The following CCDC141 variants were observed in gnomAD, a reference collection of about 807,000 sequenced individuals.
The protein encoded by CCDC141 is coiled-coil domain containing 141.
A neutral mutation model predicts 181.0 loss-of-function variants in CCDC141; 168 were observed. The observed-to-expected ratio is 0.93, with a 90% CI of 0.82 to 1.05. CCDC141 has a LOEUF of 1.05. Among genes scored for constraint, CCDC141 ranks in the 50% least tolerant of loss-of-function variants. The pLI, the probability that CCDC141 is intolerant of heterozygous loss-of-function variation, is 0.00. For synonymous variants in CCDC141, 666 were observed against 642.3 expected (o/e 1.04, Z -0.56); for missense variants, 1,902 against 1,788.5 (o/e 1.06, Z -1.14).
At chr2:178,951,055 CAGT>C (rs1001605339) in intron 5 of CCDC141, among the ~76,000 whole-genome samples, 94 of 152,256 alleles carry the variant, frequency 6.2e-4, no homozygotes, top group African/African-American at 1.8e-3. Context: ...AAAATCAGTA[CAGT>C]AGATGTCTCT....
chr2:178,903,364 C>T (rs1404396486), intron 8 of CCDC141, among the ~76,000 whole-genome samples: 1 of 151,894 alleles, frequency 6.6e-6, no homozygotes, highest in African/African-American at 2.4e-5. Context: ...ACTGAAATGT[C>T]CAACAATGAT....
intron 6 of CCDC141, among the ~76,000 whole-genome samples, chr2:178,937,509 G>A (rs1689338570): frequency 6.6e-6 from 1 of 152,104 alleles, no homozygotes. Context: ...TTTTGTTGCG[G>A]ACTTCTGCAT....
intron 4 of CCDC141, among the ~76,000 whole-genome samples, chr2:178,972,575 C>T (rs981835593): frequency 4.6e-5 from 7 of 152,130 alleles, no homozygotes; most frequent in Admixed American, 1.3e-4. Flanking sequence ...TGACACATGG[C>T]CCTGGATTTC....
At position 178,905,624 on chromosome 2, in the gene CCDC141, C is replaced by G. The variant is rs372174555; in HGVS notation, c.1093-123G>C. 1.5e-4 allele frequency: 134 copies of G among 922,744 alleles called. No individual in the cohort carries two copies. The East Asian group carries it at 3.0e-3, about 21-fold the overall frequency. 57.2% of individuals were successfully genotyped at this position (922,744 alleles called of 1,614,324 possible). ...TTGTTAGTTTCATTATAACAAAAAA[C>G]AACCATCTTAATCTTGGAAGATTGT... is the stretch of plus-strand genomic sequence containing the variant. On this transcript the variant is annotated intron_variant, in intron 7 of 23. Transcript: ENST00000443758.
chr2:179,006,452 AG>A (rs1054269969), intron 2 of CCDC141, among the ~76,000 whole-genome samples: 8 of 152,174 alleles, frequency 5.3e-5, no homozygotes, highest in African/African-American at 4.8e-5. Flanking sequence ...AAGATATTGT[AG>A]GAAATATCTG....
intron 6 of CCDC141, among the ~76,000 whole-genome samples, chr2:178,925,535 G>C (rs1046999188): frequency 3.3e-5 from 5 of 152,232 alleles, no homozygotes; most frequent in African/African-American, 1.2e-4. Context: ...TTCTTCCTTG[G>C]TTCAACATAG....
chr2:178,930,446 G>C (rs1472818613), intron 6 of CCDC141, among the ~76,000 whole-genome samples: 1 of 152,048 alleles, frequency 6.6e-6, no homozygotes, highest in African/African-American at 2.4e-5. Flanking sequence ...TGAAGAAATG[G>C]AAATGCTGAT....
intron 4 of CCDC141, among the ~76,000 whole-genome samples, chr2:178,962,323 T>C (rs1002569017): frequency 1.3e-5 from 2 of 152,146 alleles, no homozygotes; most frequent in Non-Finnish European, 2.9e-5. Context: ...GAAGGAGCAG[T>C]TGGGGAACTG....
Position 179,030,586 on chromosome 2 carries a change from C to G in CCDC141, c.225+16698G>C, listed in dbSNP as rs535881247. Among the ~76,000 whole-genome samples the G allele has an allele frequency of 7.2e-5, 11 of 152,090 alleles. No homozygotes were observed. The South Asian group carries it at 2.1e-3, about 29-fold the overall frequency. On this transcript the variant is annotated intron_variant, in intron 2 of 23. Transcript: ENST00000443758. ...TTTAATTACTGTCTTTTACTGCTAG[C>G]CTTTCAAACTGGATTAGTATATTTT...
chr2:178,990,894 A>T (rs1692022564), intron 2 of CCDC141, among the ~76,000 whole-genome samples: 1 of 152,136 alleles, frequency 6.6e-6, no homozygotes, highest in African/African-American at 2.4e-5. Context: ...ATGGTTGCAC[A>T]TGTGAAAGGT....
intron 2 of CCDC141, among the ~76,000 whole-genome samples, chr2:179,027,470 C>T (rs180884510): frequency 1.3e-5 from 2 of 151,690 alleles, no homozygotes; most frequent in African/African-American, 4.8e-5. Context: ...CGGTGAAACC[C>T]TGTCTCTACT....
At chr2:179,014,678 A>G (rs113175610) in intron 2 of CCDC141, among the ~76,000 whole-genome samples, 1,683 of 152,302 alleles carry the variant, frequency 0.011, 24 homozygotes, top group African/African-American at 0.034. Flanking sequence ...AATGCTCAGC[A>G]TCACTAATGA....
At chr2:178,927,470 G>A (rs1443881231) in intron 6 of CCDC141, among the ~76,000 whole-genome samples, 1 of 152,050 alleles carries the variant, frequency 6.6e-6, no homozygotes, top group Non-Finnish European at 1.5e-5. Context: ...TGGGGAGAGA[G>A]CAAGGATGAC....
chr2:178,981,788 A>G lies in CCDC141; in HGVS notation c.226-3113T>C, dbSNP rs185048503. Among the ~76,000 whole-genome samples the G allele has an allele frequency of 4.6e-3, 694 of 149,830 alleles. 8 individuals carry two copies. Among genetic ancestry groups the G allele is most frequent in the African/African-American group, 0.016 (665 of 41,142 alleles). ...TTAAATCTTAAGTAAACAGAAGAAA[A>G]TAATAAAAATTAGAGGAGGAATCAA... On this transcript the variant is annotated intron_variant, in intron 2 of 23. Transcript: ENST00000443758.
Position 178,834,308 on chromosome 2 carries a change from A to G in CCDC141, c.4458T>C (p.Ser1486=), listed in dbSNP as rs1684383028. 6 of 1,535,966 alleles carry G rather than the reference A, an allele frequency of 3.9e-6. No homozygotes were observed. The East Asian group carries it at 1.5e-4, about 38-fold the overall frequency. Residue 1486 remains serine, a synonymous_variant, in exon 24 of 24, where the codon TCT becomes TCC. Coordinates refer to ENST00000443758, the MANE Select transcript of CCDC141 (RefSeq NM_173648.4). ...AGLYVARAQN[S]SGALSSNVIL... is the part of the protein sequence containing the mutation. ...TGACATTGGAAGAGAGAGCGCCGCT[A>G]GAGTTTTGGGCCCGAGCCACATAGA...
intron 8 of CCDC141, 104 bp from the exon 9 acceptor site, chr2:178,888,772 A>G: frequency 1.6e-6 from 2 of 1,273,000 alleles, no homozygotes; most frequent in Non-Finnish European, 1.1e-6. Context: ...GGTAAAAGGC[A>G]TCAGCTTTAG....
At chr2:178,893,592 T>C (rs1279008742) in intron 8 of CCDC141, among the ~76,000 whole-genome samples, 3 of 152,150 alleles carry the variant, frequency 2.0e-5, no homozygotes. Flanking sequence ...TGCTGCTTCT[T>C]TTAATGGGAA....
At chr2:178,908,206 T>C (rs865909903) in intron 7 of CCDC141, among the ~76,000 whole-genome samples, 21 of 152,292 alleles carry the variant, frequency 1.4e-4, no homozygotes, top group South Asian at 4.1e-4. Context: ...TGTTTTGTTT[T>C]GTTTTCTGAG....
intron 6 of CCDC141, among the ~76,000 whole-genome samples, chr2:178,931,739 C>T (rs1689109619): frequency 6.6e-6 from 1 of 151,994 alleles, no homozygotes; most frequent in South Asian, 2.1e-4. Flanking sequence ...AACTAGGTAG[C>T]CATGATAGTT....
Sources: allele counts gnomAD v4.1 joint callset (sites outside exome capture counted in the v4.1 genomes callset), GRCh38; gene constraint gnomAD v4.1.1; transcripts MANE v1.5; gene names NCBI Gene and HGNC (gene_info 2026-07-23, HGNC 2026-07-21).